SAXO5: variants seen among roughly 807,000 people sequenced by gnomAD.
SAXO5 encodes the protein stabilizer of axonemal microtubules 5.
At chr19:7,504,976 C>CT in the SAXO5 span, among the ~76,000 whole-genome samples, 5,481 of 138,412 alleles carry the variant, frequency 0.04, 283 homozygotes, top group East Asian at 0.13. Flanking sequence ...TCTTCTTCTT[C>CT]TTTTTTTTTT....
chr19:7,507,588 GA>G, the SAXO5 span, among the ~76,000 whole-genome samples: 457 of 146,624 alleles, frequency 3.1e-3, 5 homozygotes, highest in Middle Eastern at 0.028. Flanking sequence ...TCAAAAAAAG[GA>G]AAAAAAAAAA....
the SAXO5 span, chr19:7,500,675 T>C: frequency 1.5e-6 from 1 of 686,678 alleles, no homozygotes; most frequent in Non-Finnish European, 2.2e-6. Flanking sequence ...TCCCGTGATG[T>C]CCCCAGCCTC....
chr19:7,507,141 G>A, the SAXO5 span: 1 of 1,613,626 alleles, frequency 6.2e-7, no homozygotes, highest in Non-Finnish European at 8.5e-7. Context: ...TGCTACAGCG[G>A]GTAAGGGAGG....
At chr19:7,507,653 C>T in the SAXO5 span, among the ~76,000 whole-genome samples, 1 of 152,030 alleles carries the variant, frequency 6.6e-6, no homozygotes, top group Admixed American at 6.5e-5. Flanking sequence ...AGCTCAGGGG[C>T]ATCTTTGCAC....
the SAXO5 span, chr19:7,505,350 A>G: frequency 6.2e-7 from 1 of 1,614,246 alleles, no homozygotes; most frequent in African/African-American, 1.3e-5. Context: ...GCCACAGCCC[A>G]CATCCACTGT....
chr19:7,506,980 C>A, the SAXO5 span: 1 of 1,231,434 alleles, frequency 8.1e-7, no homozygotes, highest in Non-Finnish European at 1.2e-6. Context: ...TTGAACCCTT[C>A]CCTTGAACTT....
At chr19:7,505,516 G>C in the SAXO5 span, 11 of 1,614,034 alleles carry the variant, frequency 6.8e-6, no homozygotes, top group African/African-American at 1.3e-5. Flanking sequence ...GCTTCTGGCA[G>C]AGCCTTTTGT....
chr19:7,506,724 T>C, the SAXO5 span: 2 of 364,714 alleles, frequency 5.5e-6, no homozygotes, highest in Non-Finnish European at 1.0e-5. Context: ...GCTCCTTCCT[T>C]TGTCCCAGCT....
chr19:7,499,388 GA>G, the SAXO5 span, among the ~76,000 whole-genome samples: 1 of 139,924 alleles, frequency 7.1e-6, no homozygotes, highest in African/African-American at 2.6e-5. Flanking sequence ...AGGGGCGGGG[GA>G]GGGGGAGAGA....
chr19:7,504,240 G>T, the SAXO5 span: 19 of 1,613,950 alleles, frequency 1.2e-5, no homozygotes, highest in Non-Finnish European at 1.6e-5. Flanking sequence ...TTGAGGCTGT[G>T]TTGGGGCTGC....
the SAXO5 span, among the ~76,000 whole-genome samples, chr19:7,500,446 C>T: frequency 1.3e-5 from 2 of 151,296 alleles, no homozygotes; most frequent in Non-Finnish European, 1.5e-5. Flanking sequence ...GGACTACGGG[C>T]GCCCACCACC....
the SAXO5 span, chr19:7,501,340 A>G: frequency 1.3e-6 from 2 of 1,560,700 alleles, no homozygotes; most frequent in Admixed American, 3.7e-5. Flanking sequence ...ACCACGCACC[A>G]GGCGCTCTTT....
the SAXO5 span, chr19:7,506,161 G>C: frequency 4.8e-5 from 77 of 1,596,944 alleles, no homozygotes; most frequent in African/African-American, 4.6e-4. Context: ...CGCGGGGCAC[G>C]GGCGGTGAGC....
the SAXO5 span, chr19:7,500,976 G>C: frequency 6.5e-7 from 1 of 1,547,056 alleles, no homozygotes; most frequent in Non-Finnish European, 8.7e-7. Context: ...CTACCCGGCT[G>C]CCACCCGGGA....
chr19:7,506,035 G>A, the SAXO5 span: 13 of 1,613,546 alleles, frequency 8.1e-6, no homozygotes, highest in East Asian at 2.9e-4. Flanking sequence ...TGACCCTAGG[G>A]GAGCCAAAGC....
chr19:7,501,875 G>GGAAGGA, the SAXO5 span, among the ~76,000 whole-genome samples: 1 of 145,588 alleles, frequency 6.9e-6, no homozygotes, highest in African/African-American at 2.5e-5. Flanking sequence ...GAGAGAGAGA[G>GGAAGGA]AGGAAGGAAG....
the SAXO5 span, chr19:7,507,224 C>T: frequency 8.2e-7 from 1 of 1,224,186 alleles, no homozygotes; most frequent in South Asian, 1.2e-5. Flanking sequence ...TATGCTGTCA[C>T]CCTGTCTCAG....
chr19:7,504,101 TC>T, the SAXO5 span: 1 of 1,519,776 alleles, frequency 6.6e-7, no homozygotes, highest in Non-Finnish European at 9.1e-7. Context: ...TCTCCCCCCA[TC>T]CCCCTTGCCT....
the SAXO5 span, chr19:7,501,344 G>A: frequency 6.4e-7 from 1 of 1,558,756 alleles, no homozygotes; most frequent in Non-Finnish European, 8.6e-7. Context: ...CGCACCAGGC[G>A]CTCTTTCCAC....
Sources: allele counts gnomAD v4.1 joint callset (sites outside exome capture counted in the v4.1 genomes callset), GRCh38; gene constraint gnomAD v4.1.1; transcripts MANE v1.5; gene names NCBI Gene and HGNC (gene_info 2026-07-23, HGNC 2026-07-21).